NRXN1: variants seen among roughly 807,000 people sequenced by gnomAD.
NRXN1 encodes neurexin-1.
A neutral mutation model predicts 150.9 loss-of-function variants in NRXN1; 39 were observed. The observed-to-expected ratio is 0.26, with a 90% CI of 0.20 to 0.34. NRXN1 has a LOEUF of 0.34. Among genes scored for constraint, NRXN1 ranks in the 10% least tolerant of loss-of-function variants. The pLI is 1.00. For missense variants in NRXN1, 1,815 were observed against 1,949.9 expected (o/e 0.93, Z 1.30); for synonymous variants, 924 against 757.0 (o/e 1.22, Z -3.62).
At chr2:49,938,531 A>G (rs569677318) in intron 22 of NRXN1, among the ~76,000 whole-genome samples, 79 of 152,244 alleles carry the variant, frequency 5.2e-4, no homozygotes, top group African/African-American at 1.8e-3. Flanking sequence ...TCTTCCCCCA[A>G]TGACTAATGA....
At position 50,098,830 on chromosome 2, in the gene NRXN1, G is replaced by GTTTTTTTTTTTTTTTTTT. The variant is rs746736925; in HGVS notation, c.3547-7354_3547-7337dup. On this transcript the variant is annotated intron_variant, in intron 18 of 22. Transcript: ENST00000401669. ...GTGCATGGTTTTGTTTTTGGTTTTAGTTTTTTTTTTTTTTTTTTTTTTTTT... is the reference window on the plus strand; with the variant it reads ...GTGCATGGTTTTGTTTTTGGTTTTAGTTTTTTTTTTTTTTTTTTTTTTTTTTTTTTTTTTTTTTTTTTT... Among the ~76,000 whole-genome samples, 37 of 105,552 alleles carry GTTTTTTTTTTTTTTTTTT rather than the reference G, an allele frequency of 3.5e-4. 3 individuals carry two copies. The highest frequency in any genetic ancestry group is 5.8e-4 in the Non-Finnish European group (30 of 51,610). The allele number at this position is 105,552 out of a possible 152,430, so 69.2% of individuals were successfully genotyped here. A position where few individuals can be genotyped will look rare whatever the true frequency, so the allele number is the denominator to read the frequency against.
chr2:50,490,419 C>A (rs2104857669), intron 15 of NRXN1, among the ~76,000 whole-genome samples: 1 of 152,258 alleles, frequency 6.6e-6, no homozygotes, highest in East Asian at 1.9e-4. Context: ...CAAAAAGCTA[C>A]CTCTGTGTAA....
At chr2:49,978,387 T>A (rs1679374987) in intron 21 of NRXN1, among the ~76,000 whole-genome samples, 1 of 152,166 alleles carries the variant, frequency 6.6e-6, no homozygotes, top group East Asian at 1.9e-4. Context: ...AAACTATGTC[T>A]GCAGTTCTTG....
At chr2:50,273,148 G>T (rs142493565) in intron 17 of NRXN1, among the ~76,000 whole-genome samples, 1 of 152,164 alleles carries the variant, frequency 6.6e-6, no homozygotes, top group Admixed American at 6.5e-5. Flanking sequence ...GACAGAGAGC[G>T]TTGGGCAACT....
chr2:50,144,702 G>A (rs1386577607), intron 18 of NRXN1, among the ~76,000 whole-genome samples: 1 of 151,664 alleles, frequency 6.6e-6, no homozygotes, highest in Admixed American at 6.6e-5. Context: ...TAAAAACAGG[G>A]CTGTAAGAAA....
chr2:49,974,017 T>A, intron 21 of NRXN1: 1 of 717,454 alleles, frequency 1.4e-6, no homozygotes, highest in South Asian at 1.5e-5. Context: ...CTGGCTACCC[T>A]GCGTGCTTAG....
chr2:50,418,219 C>T (rs1449853213), intron 17 of NRXN1, among the ~76,000 whole-genome samples: 7 of 151,964 alleles, frequency 4.6e-5, no homozygotes, highest in Admixed American at 1.3e-4. Flanking sequence ...CGTGCCTCTT[C>T]TTATATCTCT....
At chr2:50,266,536 TACACACACACACAC>T (rs67570666) in intron 17 of NRXN1, among the ~76,000 whole-genome samples, 79 of 112,808 alleles carry the variant, frequency 7.0e-4, no homozygotes, top group South Asian at 3.9e-3. Flanking sequence ...TGTATATAAA[TACACACACACACAC>T]ACACACACAC....
intron 17 of NRXN1, among the ~76,000 whole-genome samples, chr2:50,355,766 A>T (rs1172488422): frequency 6.6e-6 from 1 of 152,196 alleles, no homozygotes; most frequent in African/African-American, 2.4e-5. Flanking sequence ...GAGTGAGGAT[A>T]TGTAACAGTG....
At chr2:50,356,435 T>C (rs370377074) in intron 17 of NRXN1, among the ~76,000 whole-genome samples, 78 of 152,340 alleles carry the variant, frequency 5.1e-4, no homozygotes, top group African/African-American at 1.8e-3. Context: ...AAGAAATATA[T>C]GACCTCTGAG....
At chr2:50,312,143 TCTC>T (rs1388976812) in intron 17 of NRXN1, among the ~76,000 whole-genome samples, 3 of 152,150 alleles carry the variant, frequency 2.0e-5, no homozygotes, top group African/African-American at 7.2e-5. Flanking sequence ...TGGCATTTCT[TCTC>T]CTGAGAAAGA....
chr2:50,009,285 C>T (rs1024984013), intron 21 of NRXN1, among the ~76,000 whole-genome samples: 1 of 152,054 alleles, frequency 6.6e-6, no homozygotes, highest in Non-Finnish European at 1.5e-5. Flanking sequence ...AAAGTCCTCA[C>T]TAAATGCACT....
At chr2:50,160,428 C>T (rs1419857383) in intron 18 of NRXN1, among the ~76,000 whole-genome samples, 2 of 151,928 alleles carry the variant, frequency 1.3e-5, no homozygotes, top group Non-Finnish European at 2.9e-5. Flanking sequence ...GTAATCCCAG[C>T]TACTCAGGAG....
intron 17 of NRXN1, among the ~76,000 whole-genome samples, chr2:50,409,414 A>G (rs2082988300): frequency 6.6e-6 from 1 of 152,222 alleles, no homozygotes; most frequent in South Asian, 2.1e-4. Flanking sequence ...CTTTCTTCCA[A>G]AGTGTTTCTC....
intron 21 of NRXN1, among the ~76,000 whole-genome samples, chr2:49,948,354 T>C (rs987635498): frequency 2.0e-5 from 3 of 152,104 alleles, no homozygotes; most frequent in Admixed American, 1.3e-4. Context: ...AAAGATGTCA[T>C]ACAATGGTAC....
At chr2:50,569,736 A>G (rs2105449015) in intron 8 of NRXN1, among the ~76,000 whole-genome samples, 1 of 152,290 alleles carries the variant, frequency 6.6e-6, no homozygotes, top group African/African-American at 2.4e-5. Context: ...GCTCACAGGC[A>G]TTGAAAGGCC....
intron 18 of NRXN1, among the ~76,000 whole-genome samples, chr2:50,197,152 C>T (rs1186640758): frequency 1.3e-5 from 2 of 151,938 alleles, no homozygotes; most frequent in African/African-American, 2.4e-5. Flanking sequence ...TTTTTGATGA[C>T]GGTGATTTCA....
chr2:50,644,992 T>A (rs1247357647), intron 5 of NRXN1, among the ~76,000 whole-genome samples: 4 of 151,972 alleles, frequency 2.6e-5, no homozygotes, highest in Non-Finnish European at 5.9e-5. Flanking sequence ...TGATCTTGCA[T>A]ATCACAGTGC....
intron 19 of NRXN1, among the ~76,000 whole-genome samples, chr2:50,074,885 T>C (rs1331212341): frequency 6.6e-6 from 1 of 152,168 alleles, no homozygotes; most frequent in Non-Finnish European, 1.5e-5. Context: ...ATACATGAAA[T>C]ACCTTAATTC....
Sources: allele counts gnomAD v4.1 joint callset (sites outside exome capture counted in the v4.1 genomes callset), GRCh38; gene constraint gnomAD v4.1.1; transcripts MANE v1.5; gene names NCBI Gene and HGNC (gene_info 2026-07-23, HGNC 2026-07-21).